Variants in GFRA1 observed in about 807,000 individuals in gnomAD.
GFRA1 encodes GDNF family receptor alpha 1, also known as GDNF family receptor alpha-1.
In GFRA1, 16 loss-of-function variants were observed where a neutral mutation model predicts 51.6. The ratio of observed to expected loss-of-function variants is 0.31; its 90% confidence interval spans 0.21 to 0.47. The LOEUF is 0.47. Ranked by LOEUF, GFRA1 falls within the 20% of genes least tolerant of loss-of-function variation. The pLI, the probability that GFRA1 is intolerant of heterozygous loss-of-function variation, is 1.00. For missense variants in GFRA1, 530 were observed against 594.3 expected (o/e 0.89, Z 1.13); for synonymous variants, 270 against 241.3 (o/e 1.12, Z -1.10).
At chr10:116,184,869 C>T (rs772349899) in intron 5 of GFRA1, among the ~76,000 whole-genome samples, 2 of 152,188 alleles carry the variant, frequency 1.3e-5, no homozygotes, top group Non-Finnish European at 2.9e-5. Flanking sequence ...CACATGTCCC[C>T]AACAGACACA....
At chr10:116,221,360 A>C (rs1965910152) in intron 4 of GFRA1, among the ~76,000 whole-genome samples, 1 of 152,190 alleles carries the variant, frequency 6.6e-6, no homozygotes, top group African/African-American at 2.4e-5. Flanking sequence ...TGTGGAAGGA[A>C]GAAGGAACAA....
intron 4 of GFRA1, among the ~76,000 whole-genome samples, chr10:116,256,283 T>C (rs1375677023): frequency 6.6e-5 from 10 of 152,150 alleles, no homozygotes; most frequent in Non-Finnish European, 1.5e-5. Context: ...CGTGCTACTC[T>C]GCAGCACATA....
chr10:116,207,465 G>A (rs1019483290), intron 5 of GFRA1, among the ~76,000 whole-genome samples: 1 of 152,192 alleles, frequency 6.6e-6, no homozygotes, highest in South Asian at 2.1e-4. Context: ...GAGCTGGGGA[G>A]TAGCCACCCA....
At position 116,132,021 on chromosome 10, in the gene GFRA1, A is replaced by G. The variant is rs149999255; in HGVS notation, c.434-6464T>C. Among the ~76,000 whole-genome samples, 404 of 152,128 alleles carry G rather than the reference A, an allele frequency of 2.7e-3. 3 individuals carry two copies. Among genetic ancestry groups the G allele is most frequent in the African/African-American group, 9.2e-3 (380 of 41,496 alleles). On this transcript the variant is annotated intron_variant, in intron 5 of 10. Coordinates refer to ENST00000355422, the MANE Select transcript of GFRA1 (RefSeq NM_005264.8). ...CAGAAGATCGAGACCAGCTTGAGCAATATAAGGAGGCACTGTCGCTACAAA... is the reference window on the plus strand; with the variant it reads ...CAGAAGATCGAGACCAGCTTGAGCAGTATAAGGAGGCACTGTCGCTACAAA...
At chr10:116,083,987 T>C (rs1435962635) in intron 9 of GFRA1, among the ~76,000 whole-genome samples, 1 of 152,208 alleles carries the variant, frequency 6.6e-6, no homozygotes, top group Non-Finnish European at 1.5e-5. Context: ...GGAAATGTAT[T>C]GAGGCTTTGT....
intron 6 of GFRA1, among the ~76,000 whole-genome samples, chr10:116,117,533 A>G (rs542055344): frequency 0.18 from 3,604 of 19,544 alleles, 94 homozygotes; most frequent in Middle Eastern, 0.26. Flanking sequence ...AGATGGATGG[A>G]TGGGTGGGTG....
chr10:116,064,649 A>T (rs1390499780), intron 10 of GFRA1, 105 bp from the exon 11 acceptor site: 32 of 964,298 alleles, frequency 3.3e-5, no homozygotes, highest in Non-Finnish European at 5.4e-5. Context: ...TGACCCACTC[A>T]CCAAAGCTGA....
chr10:116,178,145 C>T (rs564825685), intron 5 of GFRA1, among the ~76,000 whole-genome samples: 1 of 152,290 alleles, frequency 6.6e-6, no homozygotes, highest in East Asian at 1.9e-4. Flanking sequence ...GAACTACATG[C>T]AGATCTTGTT....
intron 5 of GFRA1, among the ~76,000 whole-genome samples, chr10:116,209,486 A>G (rs909087679): frequency 1.3e-5 from 2 of 152,088 alleles, no homozygotes; most frequent in Non-Finnish European, 2.9e-5. Flanking sequence ...GCCAAGTCAA[A>G]GCAAGCAGGG....
At position 116,059,949 on chromosome 10, in the gene GFRA1, G is replaced by A. The variant is rs1161452931; in HGVS notation, c.*4449C>T. On this transcript the variant is annotated 3_prime_UTR_variant, in exon 11 of 11. Transcript: ENST00000355422. ...GTCAAACTAAATTTAGAGCTATTAC[G>A]ATGAAGAATTGGGGAGGGCAATACT... 1 of 152,160 alleles carries A rather than the reference G, an allele frequency of 6.6e-6. No individual in the cohort carries two copies. The highest frequency in any genetic ancestry group is 2.4e-5 in the African/African-American group (1 of 41,428). The allele number at this position is 152,160 out of a possible 1,614,324, so 9.4% of individuals were successfully genotyped here.
rs1267365642 is a variant in GFRA1, at chr10:116,160,583, A to T, written c.434-35026T>A. ...ATTCAAGTGCCTGGGATGAAACCAT[A>T]ATCCACAAGCAATAAAGTAAGACCC... is the stretch of plus-strand genomic sequence containing the variant. On this transcript the variant is annotated intron_variant, in intron 5 of 10. Coordinates refer to ENST00000355422, the MANE Select transcript of GFRA1 (RefSeq NM_005264.8). Among the ~76,000 whole-genome samples the T allele has an allele frequency of 2.6e-5, 4 of 152,382 alleles. No homozygotes were observed. The East Asian group carries it at 7.7e-4, about 29-fold the overall frequency.
chr10:116,253,034 C>T (rs915922079), intron 4 of GFRA1, among the ~76,000 whole-genome samples: 5 of 152,204 alleles, frequency 3.3e-5, no homozygotes, highest in Non-Finnish European at 7.3e-5. Flanking sequence ...AAAGAGAAGG[C>T]AAGTTCAATA....
At chr10:116,065,753 T>C (rs1955076378) in intron 9 of GFRA1, 127 bp from the exon 10 acceptor site, 3 of 710,222 alleles carry the variant, frequency 4.2e-6, no homozygotes, top group Non-Finnish European at 7.5e-6. Flanking sequence ...GAGCTCCATA[T>C]ATAATTGAAC....
At chr10:116,234,445 C>G (rs1189033842) in intron 4 of GFRA1, among the ~76,000 whole-genome samples, 1 of 152,144 alleles carries the variant, frequency 6.6e-6, no homozygotes, top group Admixed American at 6.5e-5. Context: ...ATAGCTTCAA[C>G]TTAGGATACA....
intron 6 of GFRA1, among the ~76,000 whole-genome samples, chr10:116,120,367 C>A (rs1263586250): frequency 6.6e-6 from 1 of 151,974 alleles, no homozygotes; most frequent in African/African-American, 2.4e-5. Context: ...GGCCAGGAGC[C>A]CAAGAGCGGC....
chr10:116,077,429 C>A (rs931919905), intron 9 of GFRA1, among the ~76,000 whole-genome samples: 1 of 152,080 alleles, frequency 6.6e-6, no homozygotes, highest in Non-Finnish European at 1.5e-5. Context: ...TTTTCTAAGT[C>A]ATTAAATTGG....
At chr10:116,157,107 CA>C (rs1453542769) in intron 5 of GFRA1, among the ~76,000 whole-genome samples, 2 of 152,176 alleles carry the variant, frequency 1.3e-5, no homozygotes, top group Admixed American at 1.3e-4. Context: ...TGCTTTTAAA[CA>C]TTAAGAATTT....
chr10:116,088,987 T>C (rs1956219563), intron 9 of GFRA1, among the ~76,000 whole-genome samples: 1 of 145,894 alleles, frequency 6.9e-6, no homozygotes, highest in Admixed American at 6.9e-5. Context: ...AAATAGGAGA[T>C]GTCCTGCCAA....
At position 116,174,857 on chromosome 10, in the gene GFRA1, A is replaced by G. The variant is rs141989369; in HGVS notation, c.433+36774T>C. Among the ~76,000 whole-genome samples the G allele has an allele frequency of 9.7e-3, 1,471 of 152,302 alleles. 15 individuals are homozygous for G. Among genetic ancestry groups the G allele is most frequent in the Non-Finnish European group, 0.012 (794 of 68,028 alleles). ...TTTCTCTCTCAACGTTGAAAGCAAA[A>G]TATAATATAGAATTGGCTCTGAGTG... On this transcript the variant is annotated intron_variant, in intron 5 of 10. Transcript: ENST00000355422.
Sources: allele counts gnomAD v4.1 joint callset (sites outside exome capture counted in the v4.1 genomes callset), GRCh38; gene constraint gnomAD v4.1.1; transcripts MANE v1.5; gene names NCBI Gene and HGNC (gene_info 2026-07-23, HGNC 2026-07-21).